Variants in PPFIBP2 observed in about 807,000 individuals in gnomAD.
PPFIBP2 encodes the protein PPFIB scaffold protein 2.
In PPFIBP2, 118 loss-of-function variants were observed where a neutral mutation model predicts 118.3. The ratio of observed to expected loss-of-function variants is 1.00; its 90% CI spans 0.86 to 1.16. PPFIBP2 has a LOEUF of 1.16. PPFIBP2 is among the 50% of genes most tolerant of loss of function. The pLI, the probability that PPFIBP2 is intolerant of heterozygous loss-of-function variation, is 0.00. For synonymous variants in PPFIBP2, 414 were observed against 397.4 expected (o/e 1.04, Z -0.50); for missense variants, 1,195 against 1,073.1 (o/e 1.11, Z -1.59).
At chr11:7,518,865 C>T (rs911978271) in intron 1 of PPFIBP2, among the ~76,000 whole-genome samples, 46 of 152,120 alleles carry the variant, frequency 3.0e-4, no homozygotes, top group African/African-American at 5.3e-4. Context: ...AGATGGCGCT[C>T]GAGCGAGTAT....
chr11:7,655,858 C>T (rs1053040833), downstream of PPFIBP2, among the ~76,000 whole-genome samples: 2 of 152,160 alleles, frequency 1.3e-5, no homozygotes, highest in African/African-American at 2.4e-5. Context: ...AGGCTGCATC[C>T]TGTCCTAGTG....
At chr11:7,663,624 A>C in the PPFIBP2 span, among the ~76,000 whole-genome samples, 1 of 152,252 alleles carries the variant, frequency 6.6e-6, no homozygotes, top group East Asian at 1.9e-4. Context: ...CTGCCCCCAG[A>C]GGTGGAGCCT....
At chr11:7,588,950 C>G (rs947109298) in intron 3 of PPFIBP2, among the ~76,000 whole-genome samples, 2 of 152,218 alleles carry the variant, frequency 1.3e-5, no homozygotes, top group South Asian at 4.1e-4. Flanking sequence ...ACAGGGCACA[C>G]AGATCACATG....
intron 17 of PPFIBP2, 105 bp downstream of exon 17, chr11:7,642,531 C>G: frequency 7.7e-7 from 1 of 1,298,664 alleles, no homozygotes; most frequent in Non-Finnish European, 1.0e-6. Context: ...GCGGAAACCC[C>G]TTTCCATATT....
intron 5 of PPFIBP2, among the ~76,000 whole-genome samples, chr11:7,603,198 T>C (rs1846889083): frequency 6.6e-6 from 1 of 152,230 alleles, no homozygotes; most frequent in Non-Finnish European, 1.5e-5. Context: ...ACAGGAATTT[T>C]TCAAATATTC....
chr11:7,651,677 G>C lies in PPFIBP2; in HGVS notation c.2269G>C (p.Gly757Arg), dbSNP rs758577255. 3 of 1,611,392 alleles carry C rather than the reference G, an allele frequency of 1.9e-6. No individual in the cohort carries two copies. Among genetic ancestry groups the C allele is most frequent in the Admixed American group, 1.7e-5 (1 of 59,896 alleles). Residue 757 changes from glycine to arginine, a missense_variant, in exon 23 of 24, where the codon GGG (glycine) becomes CGG (arginine). By Grantham distance (125) the Gly-to-Arg change is moderately radical. Transcript: ENST00000299492. ...TTAGATCCTGGAGCCACGCTTCACT[G>C]GGGACACCCTGGCTATGCTTCTCAA... ...GLIILEPRFT[G>R]DTLAMLLNIP... is the part of the protein sequence containing the mutation.
At chr11:7,610,164 T>C (rs1449729305) in intron 5 of PPFIBP2, 127 bp from the exon 6 acceptor site, 8 of 1,218,050 alleles carry the variant, frequency 6.6e-6, no homozygotes, top group Admixed American at 3.7e-5. Context: ...GTGACTCTCA[T>C]GTAGCAGTCT....
chr11:7,648,193 C>T, intron 17 of PPFIBP2, 194 bp from the exon 18 acceptor site: 2 of 569,166 alleles, frequency 3.5e-6, no homozygotes, highest in East Asian at 3.0e-5. Flanking sequence ...ATTAAGAAAA[C>T]TCTAGGGTCT....
At chr11:7,651,237 C>CAGGTCTGCCTGTCCCT (rs150968258) in intron 22 of PPFIBP2, 15,782 of 364,350 alleles carry the variant, frequency 0.043, 1,482 homozygotes, top group African/African-American at 0.24. Context: ...GCTTACAAGG[C>CAGGTCTGCCTGTCCCT]GAGGGAACAG....
chr11:7,618,896 T>C (rs970528959), intron 6 of PPFIBP2, among the ~76,000 whole-genome samples: 1 of 151,306 alleles, frequency 6.6e-6, no homozygotes, highest in African/African-American at 2.4e-5. Context: ...TTTTTTTTTT[T>C]TTTTTTTTGT....
Position 7,630,937 on chromosome 11 carries a change from G to A in PPFIBP2, c.977G>A (p.Arg326Lys). The A allele has an allele frequency of 6.2e-7, 1 of 1,613,948 alleles. No individual in the cohort carries two copies. Among genetic ancestry groups the A allele is most frequent in the Non-Finnish European group, 8.5e-7 (1 of 1,179,824 alleles). The change falls in exon 11 of 24, where the codon AGA becomes AAA. Residue 326 changes from arginine (R) to lysine (K), a missense_variant. Physicochemically the swap from Arg to Lys is conservative, Grantham distance 26. Transcript: ENST00000299492. ...IVMVTQGPSE[R>K]TLSINEEEPE... The stretch of plus-strand genomic sequence containing the variant: ...TTAATGCTTGCAGGGCCTTCGGAGA[G>A]AACTCTCTCAATCAATGAAGAAGAA...
At chr11:7,565,857 A>G in intron 3 of PPFIBP2, 90 bp downstream of exon 3, 1 of 1,371,856 alleles carries the variant, frequency 7.3e-7, no homozygotes. Flanking sequence ...CTGTTGAGTC[A>G]TCTGTATACC....
At chr11:7,597,334 A>G (rs1452820199) in intron 4 of PPFIBP2, 3 of 1,535,668 alleles carry the variant, frequency 2.0e-6, no homozygotes, top group Non-Finnish European at 2.6e-6. Flanking sequence ...AGTAAACGTG[A>G]CCCATGTCAT....
At chr11:7,610,150 G>A (rs531460148) in intron 5 of PPFIBP2, 141 bp from the exon 6 acceptor site, 63 of 1,085,204 alleles carry the variant, frequency 5.8e-5, no homozygotes, top group Admixed American at 4.6e-4. Flanking sequence ...TCCATAATAG[G>A]CCTGTGACTC....
intron 1 of PPFIBP2, among the ~76,000 whole-genome samples, chr11:7,524,547 A>G (rs1850056865): frequency 6.6e-6 from 1 of 152,216 alleles, no homozygotes; most frequent in Non-Finnish European, 1.5e-5. Context: ...CCAGAGAAGT[A>G]AAGACACTTT....
chr11:7,645,049 A>T (rs1323368517), intron 17 of PPFIBP2, among the ~76,000 whole-genome samples: 2 of 146,402 alleles, frequency 1.4e-5, no homozygotes, highest in African/African-American at 5.1e-5. Flanking sequence ...AAAAAAAAAA[A>T]AAAAAAAAAA....
At chr11:7,550,375 A>C (rs1306593767) in intron 2 of PPFIBP2, among the ~76,000 whole-genome samples, 2 of 152,224 alleles carry the variant, frequency 1.3e-5, no homozygotes, top group Non-Finnish European at 2.9e-5. Context: ...CCCAGGAAGT[A>C]CACAGAGTAC....
intron 3 of PPFIBP2, among the ~76,000 whole-genome samples, chr11:7,575,242 G>A (rs1178361714): frequency 2.0e-5 from 3 of 152,208 alleles, no homozygotes; most frequent in African/African-American, 7.2e-5. Context: ...ATGGAAGTAG[G>A]AGAAGTGAGT....
intron 2 of PPFIBP2, among the ~76,000 whole-genome samples, chr11:7,554,376 C>T (rs538746441): frequency 6.6e-6 from 1 of 152,196 alleles, no homozygotes; most frequent in Non-Finnish European, 1.5e-5. Context: ...GGAATTGCCT[C>T]TTACTAATTA....
Sources: allele counts gnomAD v4.1 joint callset (sites outside exome capture counted in the v4.1 genomes callset), GRCh38; gene constraint gnomAD v4.1.1; transcripts MANE v1.5; gene names NCBI Gene and HGNC (gene_info 2026-07-23, HGNC 2026-07-21).